Variants in PCYT2 observed in about 807,000 individuals in gnomAD.
PCYT2 encodes the protein ethanolamine-phosphate cytidylyltransferase.
In PCYT2, 33 loss-of-function variants were observed where a neutral mutation model predicts 50.0. That is an observed-to-expected ratio of 0.66 (90% CI 0.50 to 0.88). The LOEUF (loss-of-function observed/expected upper bound fraction) is 0.88, where lower values mean the gene tolerates loss of function less well. Ranked by LOEUF, PCYT2 falls within the 40% of genes least tolerant of loss-of-function variation. The probability of loss-of-function intolerance (pLI) is 0.00; values close to 1 mark genes in which losing one functional copy is unlikely to be tolerated. For missense variants in PCYT2, 430 were observed against 519.7 expected (o/e 0.83, Z 1.68); for synonymous variants, 240 against 203.7 (o/e 1.18, Z -1.52).
chr17:81,908,183 G>A (rs113973691), intron 4 of PCYT2, among the ~76,000 whole-genome samples: 33 of 148,928 alleles, frequency 2.2e-4, no homozygotes, highest in South Asian at 1.9e-3. Flanking sequence ...CGTCCTGCCC[G>A]CTGAGCATCT....
chr17:81,906,442 C>T (rs781084838), intron 8 of PCYT2, 22 bp downstream of exon 8: 1 of 1,609,368 alleles, frequency 6.2e-7, no homozygotes, highest in East Asian at 2.2e-5. Context: ...CCCAGGGGCC[C>T]AGGGAGCAAG....
At position 81,906,162 on chromosome 17, in the gene PCYT2, T is replaced by A; in HGVS notation, c.775A>T (p.Lys259Ter). 6.2e-7 allele frequency: 1 copy of A among 1,612,356 alleles called. No homozygotes were observed. The highest frequency in any genetic ancestry group is 8.5e-7 in the Non-Finnish European group (1 of 1,179,180). Residue 259 changes from lysine (K) to a stop codon, truncating the protein, a stop_gained, in exon 9 of 13, where the codon AAG (lysine) becomes TAG (stop). Transcript: ENST00000538936. LOFTEE classifies it high-confidence loss of function. Reference sequence around the variant, plus strand: ...TTCATGATGGGGTAGTTCTTCCCCTTGTAGTGATTGACCTCCTGCGGCCAG... The same window carrying A: ...TTCATGATGGGGTAGTTCTTCCCCTAGTAGTGATTGACCTCCTGCGGCCAG... ...LHFDQEVNHY[K>*]GKNYPIMNLH... is the part of the protein sequence containing the mutation.
chr17:81,911,222 A>AGCCGGCCCCGGCGCCCCCGCG, intron 1 of PCYT2, 45 bp downstream of exon 1: 2 of 1,026,116 alleles, frequency 1.9e-6, no homozygotes, highest in Non-Finnish European at 2.3e-6. Context: ...CCCGGAAGGA[A>AGCCGGCCCCGGCGCCCCCGCG]GCCGGCCCCG....
chr17:81,907,652 C>T, intron 5 of PCYT2, 54 bp from the exon 6 acceptor site: 1 of 1,604,028 alleles, frequency 6.2e-7, no homozygotes, highest in Non-Finnish European at 8.5e-7. Flanking sequence ...GCGTGGCCAC[C>T]CCAGAACCGG....
At chr17:81,905,621 GGAACAGAGGT>G in intron 10 of PCYT2, 39 bp downstream of exon 10, 2 of 1,576,234 alleles carry the variant, frequency 1.3e-6, no homozygotes, top group Non-Finnish European at 8.7e-7. Context: ...AGCCCATGCA[GGAACAGAGGT>G]GAACAGAGGG....
At chr17:81,909,437 C>T in intron 2 of PCYT2, 77 bp downstream of exon 2, 1 of 1,519,232 alleles carries the variant, frequency 6.6e-7, no homozygotes, top group African/African-American at 1.4e-5. Flanking sequence ...GGCCCCAGGC[C>T]TGCAGGCTTT....
intron 3 of PCYT2, 32 bp downstream of exon 3, chr17:81,908,844 C>G: frequency 6.3e-7 from 1 of 1,587,154 alleles, no homozygotes; most frequent in Admixed American, 1.7e-5. Context: ...CCTGATGTCC[C>G]CAGGCCCCCA....
Position 81,903,920 on chromosome 17 carries a change from G to A in PCYT2, c.*913C>T, listed in dbSNP as rs1276814569. On this transcript the variant is annotated 3_prime_UTR_variant, in exon 13 of 13. Transcript: ENST00000538936. ...TGGCCTCCCTAGACACCTCCCGGAGGCTGCAGTAAGAACCTCTTCGGCCTC... is the reference window on the plus strand; with the variant it reads ...TGGCCTCCCTAGACACCTCCCGGAGACTGCAGTAAGAACCTCTTCGGCCTC... The A allele has an allele frequency of 6.6e-6, 1 of 152,256 alleles. No homozygotes were observed. Among genetic ancestry groups the A allele is most frequent in the Non-Finnish European group, 1.5e-5 (1 of 68,048 alleles). 9.4% of individuals were successfully genotyped at this position (152,256 alleles called of 1,614,324 possible). A position where few individuals can be genotyped will look rare whatever the true frequency, so the allele number is the denominator to read the frequency against.
In PCYT2 at chr17:81,905,159, G is replaced by A. The variant is rs1326813125; in HGVS notation, c.970-5C>T. The A allele has an allele frequency of 1.9e-6, 3 of 1,610,544 alleles. No individual in the cohort carries two copies. The highest frequency in any genetic ancestry group is 2.2e-5 in the East Asian group (1 of 44,842). ...GATGCCCCTTCTCTTGGGCTCCTGG[G>A]GGTCCAGAGAGGAGGAGCGGGATGA... On this transcript the variant is annotated splice_polypyrimidine_tract_variant and splice_region_variant and intron_variant, in intron 11 of 12. Transcript: ENST00000538936.
rs748216329 is a variant in PCYT2, at chr17:81,905,738, G to C, written c.838-3C>G. ...CCAATCACCACTTCTGACACGTACT[G>C]TGGGGACAGTGGGGGCAGAAAGACT... On this transcript the variant is annotated splice_polypyrimidine_tract_variant and splice_region_variant and intron_variant, in intron 9 of 12. Transcript: ENST00000538936. The C allele has an allele frequency of 5.6e-6, 9 of 1,613,250 alleles. No homozygotes were observed. Among genetic ancestry groups the C allele is most frequent in the Non-Finnish European group, 5.9e-6 (7 of 1,179,834 alleles).
rs1437037777 is a variant in PCYT2 at position 81,911,251 on chromosome 17, C to G, written c.89+16G>C. The G allele has an allele frequency of 2.8e-5, 29 of 1,039,116 alleles. No homozygotes were observed. The highest frequency in any genetic ancestry group is 3.3e-5 in the Non-Finnish European group (29 of 867,100). The allele number at this position is 1,039,116 out of a possible 1,614,324, so 64.4% of individuals were successfully genotyped here. ...GGCCCCGGCGCCCCCGCGGCCCGCC[C>G]CGGCCCCGCGCTCACCAGCCATCGC... is the stretch of plus-strand genomic sequence containing the variant. On this transcript the variant is annotated intron_variant, in intron 1 of 12. Coordinates refer to ENST00000538936, the MANE Select transcript of PCYT2 (RefSeq NM_002861.5).
In PCYT2 at chr17:81,902,730, C is replaced by T. The variant is rs2040009166; in HGVS notation, c.*2103G>A. On this transcript the variant is annotated 3_prime_UTR_variant, in exon 13 of 13. Coordinates refer to ENST00000538936, the MANE Select transcript of PCYT2 (RefSeq NM_002861.5). ...ACGTCTTCCTGTCCCTGCGCGCAGC[C>T]GACTGCCTCGCCGCCTGAGCCCGGA... 2 of 1,607,576 alleles carry T rather than the reference C, an allele frequency of 1.2e-6. No individual in the cohort carries two copies. Among genetic ancestry groups the T allele is most frequent in the Non-Finnish European group, 8.5e-7 (1 of 1,178,194 alleles).
In PCYT2 at chr17:81,904,037, G is replaced by C. The variant is rs1220738667; in HGVS notation, c.*796C>G. The stretch of plus-strand genomic sequence containing the variant: ...CAAGGGGCAAGGAGCCTCAGCTCTG[G>C]CTCTCCTCCTTATTCTAGCATCGCC... On this transcript the variant is annotated 3_prime_UTR_variant, in exon 13 of 13. Coordinates refer to ENST00000538936, the MANE Select transcript of PCYT2 (RefSeq NM_002861.5). 3.9e-5 allele frequency: 6 copies of C among 152,258 alleles called. No homozygotes were observed. The highest frequency in any genetic ancestry group is 3.9e-4 in the Admixed American group (6 of 15,290). The allele number at this position is 152,258 out of a possible 1,614,324, so 9.4% of individuals were successfully genotyped here.
chr17:81,902,337 G>T lies in PCYT2; in HGVS notation c.*2496C>A. ...TGGCGCTGTGCCTGCTGCTGGCGCC[G>T]CCTGGCCTCGCGTGGTACAAGCCAG... is the stretch of plus-strand genomic sequence containing the variant. On this transcript the variant is annotated 3_prime_UTR_variant, in exon 13 of 13. Coordinates refer to ENST00000538936, the MANE Select transcript of PCYT2 (RefSeq NM_002861.5). The T allele has an allele frequency of 7.5e-7, 1 of 1,339,844 alleles. No homozygotes were observed. The highest frequency in any genetic ancestry group is 9.5e-7 in the Non-Finnish European group (1 of 1,052,864). 83.0% of individuals were successfully genotyped at this position (1,339,844 alleles called of 1,614,324 possible).
chr17:81,904,659 G>C lies in PCYT2; in HGVS notation c.*174C>G, dbSNP rs2040138636. On this transcript the variant is annotated 3_prime_UTR_variant, in exon 13 of 13. Transcript: ENST00000538936. ...CCTCTCTGAGCAGCTTTGCTGGAAA[G>C]AGCGGAGAGCCTGCTGCAAACCAGG... The C allele has an allele frequency of 1.7e-6, 1 of 591,092 alleles. No homozygotes were observed. The highest frequency in any genetic ancestry group is 3.0e-6 in the Non-Finnish European group (1 of 332,978). The allele number at this position is 591,092 out of a possible 1,614,324, so 36.6% of individuals were successfully genotyped here.
At position 81,902,124 on chromosome 17, in the gene PCYT2, G is replaced by GGCTCCTCCGCGCGCGCCCGCT. The variant is rs1288448653; in HGVS notation, c.*2688_*2708dup. On this transcript the variant is annotated 3_prime_UTR_variant, in exon 13 of 13. Transcript: ENST00000538936. ...TTCCTTTGGGATGCGGAGGTGCGAC[G>GGCTCCTCCGCGCGCGCCCGCT]GCTCCTCCGCGCGCGCCCGCTGCAC... The GGCTCCTCCGCGCGCGCCCGCT allele has an allele frequency of 6.7e-6, 4 of 598,654 alleles. No individual in the cohort carries two copies. In the African/African-American group the frequency reaches 7.8e-5, roughly 12 times the overall value. 37.1% of individuals were successfully genotyped at this position (598,654 alleles called of 1,614,324 possible).
rs199704942 is a variant in PCYT2, at chr17:81,902,785, C to A, written c.*2048G>T. On this transcript the variant is annotated 3_prime_UTR_variant, in exon 13 of 13. Transcript: ENST00000538936. ...TCCTGGCACCGCTGGGGGCCCCCCG[C>A]CCCCACCGTCCCACTCGGTGACCCC... 1.5e-3 allele frequency: 2,335 copies of A among 1,564,554 alleles called. 37 individuals are homozygous for A. The African/African-American group carries it at 0.028, about 19-fold the overall frequency.
At chr17:81,905,315 G>A in intron 11 of PCYT2, 67 bp downstream of exon 11, 2 of 1,428,926 alleles carry the variant, frequency 1.4e-6, no homozygotes, top group South Asian at 1.2e-5. Flanking sequence ...CAGGCACAGT[G>A]AGTCATTAAA....
chr17:81,905,944 C>T (rs2040239695), intron 9 of PCYT2, 156 bp downstream of exon 9: 3 of 758,584 alleles, frequency 4.0e-6, no homozygotes, highest in Admixed American at 4.5e-5. Context: ...CATGCCTCAA[C>T]AAACAGGTAT....
Sources: allele counts gnomAD v4.1 joint callset (sites outside exome capture counted in the v4.1 genomes callset), GRCh38; gene constraint gnomAD v4.1.1; transcripts MANE v1.5; gene names NCBI Gene and HGNC (gene_info 2026-07-23, HGNC 2026-07-21).